FHIT: variants seen among roughly 807,000 people sequenced by gnomAD.
FHIT encodes fragile histidine triad diadenosine triphosphatase.
Under a neutral mutation model 17.9 loss-of-function variants are expected in FHIT, and 19 were observed. The observed-to-expected ratio is 1.06, with a 90% CI of 0.74 to 1.56. The LOEUF (loss-of-function observed/expected upper bound fraction) is 1.56. FHIT is among the 40% of genes most tolerant of loss of function. The probability of loss-of-function intolerance (pLI) is 0.00; values close to 1 mark genes in which losing one functional copy is unlikely to be tolerated. For missense variants in FHIT, 248 were observed against 189.2 expected, an observed-to-expected ratio of 1.31 and a Z score of -1.82; for synonymous variants, 81 against 69.7, an observed-to-expected ratio of 1.16 and a Z score of -0.81.
At chr3:60,627,585 G>T (rs997512168) in intron 4 of FHIT, among the ~76,000 whole-genome samples, 2 of 152,146 alleles carry the variant, frequency 1.3e-5, no homozygotes, top group Non-Finnish European at 2.9e-5. Context: ...GTGCAGTGGC[G>T]GGATCTAGGC....
chr3:60,468,486 T>C (rs947643764), intron 5 of FHIT, among the ~76,000 whole-genome samples: 4 of 152,124 alleles, frequency 2.6e-5, no homozygotes, highest in Non-Finnish European at 4.4e-5. Flanking sequence ...GCTTTGAGTG[T>C]ACTGTGAGGC....
intron 3 of FHIT, among the ~76,000 whole-genome samples, chr3:60,835,920 C>T (rs1575582736): frequency 1.3e-5 from 2 of 152,182 alleles, no homozygotes; most frequent in Admixed American, 1.3e-4. Context: ...CAGCCACTTA[C>T]TAGTTTTAAG....
At chr3:61,118,715 C>A (rs890254349) in intron 2 of FHIT, among the ~76,000 whole-genome samples, 1 of 152,130 alleles carries the variant, frequency 6.6e-6, no homozygotes, top group Non-Finnish European at 1.5e-5. Context: ...TGAAATAGGG[C>A]TCATTGTACC....
At chr3:59,917,900 A>AG (rs754734144) in intron 8 of FHIT, among the ~76,000 whole-genome samples, 1 of 152,230 alleles carries the variant, frequency 6.6e-6, no homozygotes, top group Non-Finnish European at 1.5e-5. Context: ...GTTTGGTGGG[A>AG]GGGGGCAAGT....
At chr3:60,950,156 C>T (rs1323461065) in intron 3 of FHIT, among the ~76,000 whole-genome samples, 1 of 152,056 alleles carries the variant, frequency 6.6e-6, no homozygotes, top group Non-Finnish European at 1.5e-5. Context: ...AAGTGATGCT[C>T]ACAAGAGTAT....
rs1212279621 is a variant in FHIT at position 60,561,910 on chromosome 3, G to GAGAGAGAA, written c.-17-24939_-17-24932dup. On this transcript the variant is annotated intron_variant, in intron 4 of 9. Transcript: ENST00000492590. The stretch of plus-strand genomic sequence containing the variant: ...TGAAAGAAAAGAAAAAAAAAGAAAA[G>GAGAGAGAA]AGAGAGAAAGAGAGAAAGAAAAAGA... 1.7e-3 allele frequency among the ~76,000 whole-genome samples: 262 copies of GAGAGAGAA among 151,516 alleles called. 6 individuals are homozygous for GAGAGAGAA. Among genetic ancestry groups the GAGAGAGAA allele is most frequent in the Admixed American group, 0.011 (170 of 15,110 alleles).
intron 5 of FHIT, among the ~76,000 whole-genome samples, chr3:60,427,094 AG>A (rs919659712): frequency 6.6e-6 from 1 of 152,094 alleles, no homozygotes; most frequent in African/African-American, 2.4e-5. Flanking sequence ...AGCCATTTTA[AG>A]GGGCTGAGGC....
intron 5 of FHIT, among the ~76,000 whole-genome samples, chr3:60,362,495 T>C (rs1043399204): frequency 6.6e-6 from 1 of 152,194 alleles, no homozygotes; most frequent in Non-Finnish European, 1.5e-5. Flanking sequence ...ATGACACCAC[T>C]AGGTATGAGC....
intron 5 of FHIT, among the ~76,000 whole-genome samples, chr3:60,167,242 A>C (rs1701214430): frequency 1.3e-5 from 2 of 152,222 alleles, no homozygotes; most frequent in South Asian, 4.1e-4. Context: ...CATCACTTTA[A>C]GCCTCATAGA....
chr3:60,678,742 A>G (rs1013821969), intron 4 of FHIT, among the ~76,000 whole-genome samples: 1 of 152,146 alleles, frequency 6.6e-6, no homozygotes, highest in Non-Finnish European at 1.5e-5. Flanking sequence ...TACCATTTTC[A>G]AGTGTCCCTA....
At chr3:61,005,763 G>A (rs1490327276) in intron 3 of FHIT, among the ~76,000 whole-genome samples, 2 of 152,112 alleles carry the variant, frequency 1.3e-5, no homozygotes, top group African/African-American at 4.8e-5. Context: ...AAGAATGAAA[G>A]GAATGCATTT....
intron 7 of FHIT, among the ~76,000 whole-genome samples, chr3:59,992,130 T>C (rs755883684): frequency 3.3e-5 from 5 of 151,884 alleles, no homozygotes; most frequent in Non-Finnish European, 5.9e-5. Flanking sequence ...GATAAGAATA[T>C]AGAACATGAA....
chr3:60,417,956 C>A (rs890651229), intron 5 of FHIT, among the ~76,000 whole-genome samples: 1 of 152,134 alleles, frequency 6.6e-6, no homozygotes, highest in Non-Finnish European at 1.5e-5. Flanking sequence ...GTCATCAACT[C>A]AGAGTTTCAA....
chr3:60,608,139 C>T lies in FHIT; in HGVS notation c.-17-71160G>A, dbSNP rs575401619. On this transcript the variant is annotated intron_variant, in intron 4 of 9. Coordinates refer to ENST00000492590, the MANE Select transcript of FHIT (RefSeq NM_002012.4). ...ATGTCCATCTTCCCTCGTCTGCTCA[C>T]GCAGAGGACAAGACTCTCACTCTCA... is the stretch of plus-strand genomic sequence containing the variant. Among the ~76,000 whole-genome samples the T allele has an allele frequency of 7.6e-4, 115 of 152,266 alleles. 1 individual carries two copies. The highest frequency in any genetic ancestry group is 2.6e-3 in the African/African-American group (109 of 41,540).
At chr3:60,424,639 A>G (rs1373864404) in intron 5 of FHIT, among the ~76,000 whole-genome samples, 1 of 152,160 alleles carries the variant, frequency 6.6e-6, no homozygotes, top group Non-Finnish European at 1.5e-5. Context: ...TGGAAGAAAG[A>G]TAAAATTAGC....
intron 5 of FHIT, among the ~76,000 whole-genome samples, chr3:60,510,243 G>A (rs1050293260): frequency 2.6e-5 from 4 of 152,176 alleles, no homozygotes; most frequent in Non-Finnish European, 5.9e-5. Flanking sequence ...ACCAAGCATA[G>A]TTAAGCCAGG....
chr3:60,528,362 T>A (rs1170951228), intron 5 of FHIT, among the ~76,000 whole-genome samples: 1 of 152,036 alleles, frequency 6.6e-6, no homozygotes, highest in Non-Finnish European at 1.5e-5. Flanking sequence ...ATTAGTTATA[T>A]GTATATAAAT....
At chr3:60,111,312 A>G (rs79548867) in intron 5 of FHIT, among the ~76,000 whole-genome samples, 4,136 of 152,296 alleles carry the variant, frequency 0.027, 195 homozygotes, top group African/African-American at 0.095. Context: ...TAAATCTGGA[A>G]TGAGTAAAAA....
At chr3:60,872,341 T>C (rs6783370) in intron 3 of FHIT, among the ~76,000 whole-genome samples, 32,717 of 152,110 alleles carry the variant, frequency 0.22, 3,774 homozygotes, top group Middle Eastern at 0.28. Flanking sequence ...CAGGGCTCTA[T>C]AATCCTGTAA....
Sources: allele counts gnomAD v4.1 joint callset (sites outside exome capture counted in the v4.1 genomes callset), GRCh38; gene constraint gnomAD v4.1.1; transcripts MANE v1.5; gene names NCBI Gene and HGNC (gene_info 2026-07-23, HGNC 2026-07-21).